SPTLC2: variants seen among roughly 807,000 people sequenced by gnomAD.
SPTLC2 encodes serine palmitoyltransferase long chain base subunit 2, also known as serine palmitoyltransferase 2.
A neutral mutation model predicts 62.0 loss-of-function variants in SPTLC2; 21 were observed. That is an observed-to-expected ratio of 0.34 (90% CI 0.24 to 0.49). SPTLC2 has a LOEUF of 0.49. Ranked by LOEUF, SPTLC2 falls within the 20% of genes least tolerant of loss-of-function variation. SPTLC2 has a pLI of 0.99. For missense variants in SPTLC2, 511 were observed against 713.0 expected (o/e 0.72, Z 3.23); for synonymous variants, 261 against 261.8 (o/e 1.00, Z 0.03).
At chr14:77,528,819 A>G (rs996891934) in intron 9 of SPTLC2, among the ~76,000 whole-genome samples, 1 of 151,918 alleles carries the variant, frequency 6.6e-6, no homozygotes, top group Non-Finnish European at 1.5e-5. Context: ...TCTGTTTCAA[A>G]GGTCTTATTT....
At chr14:77,543,127 G>A (rs941584427) in intron 9 of SPTLC2, among the ~76,000 whole-genome samples, 2 of 152,168 alleles carry the variant, frequency 1.3e-5, no homozygotes, top group Non-Finnish European at 2.9e-5. Flanking sequence ...TCAGCTCACT[G>A]CAACCTCCAC....
At chr14:77,601,175 T>C (rs1268939894) in intron 1 of SPTLC2, among the ~76,000 whole-genome samples, 1 of 152,204 alleles carries the variant, frequency 6.6e-6, no homozygotes, top group Non-Finnish European at 1.5e-5. Context: ...TAAGCCATCA[T>C]ATCCCCAGTG....
At chr14:77,610,503 C>T (rs1206553584) in intron 1 of SPTLC2, among the ~76,000 whole-genome samples, 1 of 152,058 alleles carries the variant, frequency 6.6e-6, no homozygotes, top group African/African-American at 2.4e-5. Flanking sequence ...CCAGGCTGAT[C>T]TTGAACTCCT....
chr14:77,570,717 G>T (rs559783802), intron 4 of SPTLC2, among the ~76,000 whole-genome samples: 13 of 152,260 alleles, frequency 8.5e-5, no homozygotes, highest in African/African-American at 2.9e-4. Context: ...AATAAAATCT[G>T]ATTCAGCACC....
Position 77,512,196 on chromosome 14 carries a change from A to G in SPTLC2, c.*88T>C, listed in dbSNP as rs1039309270. ...GCAATGTCTTTCACGTGAGATGGCC[A>G]CAGAAGTGTGGTTCCTGGAACTGGC... is the stretch of plus-strand genomic sequence containing the variant. On this transcript the variant is annotated 3_prime_UTR_variant, in exon 12 of 12. Coordinates refer to ENST00000216484, the MANE Select transcript of SPTLC2 (RefSeq NM_004863.4). The G allele has an allele frequency of 1.1e-5, 17 of 1,596,462 alleles. No homozygotes were observed. Among genetic ancestry groups the G allele is most frequent in the Non-Finnish European group, 1.5e-5 (17 of 1,166,340 alleles).
chr14:77,530,424 G>A (rs1404864005), intron 9 of SPTLC2, among the ~76,000 whole-genome samples: 2 of 152,020 alleles, frequency 1.3e-5, no homozygotes, highest in Non-Finnish European at 2.9e-5. Flanking sequence ...CACCTCCTAG[G>A]TTCAAGCGAT....
At chr14:77,601,469 T>C (rs955958192) in intron 1 of SPTLC2, among the ~76,000 whole-genome samples, 10 of 152,244 alleles carry the variant, frequency 6.6e-5, no homozygotes, top group Non-Finnish European at 1.5e-4. Context: ...CGCCCTTTGC[T>C]GACTCCTTTT....
chr14:77,519,790 ACC>A (rs2079377081), intron 10 of SPTLC2, among the ~76,000 whole-genome samples: 2 of 151,518 alleles, frequency 1.3e-5, no homozygotes, highest in Non-Finnish European at 2.9e-5. Context: ...TCCTCAACAT[ACC>A]TCCTTTGTGT....
At chr14:77,539,079 C>T (rs374014758) in intron 9 of SPTLC2, among the ~76,000 whole-genome samples, 1 of 151,904 alleles carries the variant, frequency 6.6e-6, no homozygotes, top group South Asian at 2.1e-4. Context: ...CATTAAAGCA[C>T]TTAATGAAAT....
At chr14:77,524,706 G>C (rs58883103) in intron 9 of SPTLC2, among the ~76,000 whole-genome samples, 17,005 of 152,234 alleles carry the variant, frequency 0.11, 1,418 homozygotes, top group African/African-American at 0.23. Context: ...ATTTGCACAA[G>C]ATGGATGGGA....
At chr14:77,529,053 G>A (rs1476517020) in intron 9 of SPTLC2, among the ~76,000 whole-genome samples, 2 of 152,050 alleles carry the variant, frequency 1.3e-5, no homozygotes, top group South Asian at 4.1e-4. Context: ...GGCCAGGCTG[G>A]TCTTGAACGT....
intron 9 of SPTLC2, among the ~76,000 whole-genome samples, chr14:77,541,015 T>TTTTATTTA (rs34700249): frequency 0.014 from 2,025 of 148,088 alleles, 23 homozygotes; most frequent in Non-Finnish European, 0.019. Context: ...TTGCAAAACA[T>TTTTATTTA]TTTATTTATT....
chr14:77,601,271 A>T (rs1036715409), intron 1 of SPTLC2, among the ~76,000 whole-genome samples: 1 of 152,156 alleles, frequency 6.6e-6, no homozygotes, highest in Non-Finnish European at 1.5e-5. Context: ...ACATTCCATC[A>T]TTGTGATTTG....
intron 9 of SPTLC2, among the ~76,000 whole-genome samples, chr14:77,543,265 C>G (rs761372069): frequency 6.6e-6 from 1 of 152,180 alleles, no homozygotes; most frequent in Non-Finnish European, 1.5e-5. Context: ...GTTGGCCAGG[C>G]TGGTCTCCAA....
chr14:77,518,978 C>T (rs893632942), intron 10 of SPTLC2, among the ~76,000 whole-genome samples: 1 of 152,216 alleles, frequency 6.6e-6, no homozygotes, highest in Non-Finnish European at 1.5e-5. Flanking sequence ...GGCCCTGTGG[C>T]CTTACTCCAC....
intron 1 of SPTLC2, among the ~76,000 whole-genome samples, chr14:77,601,570 G>C (rs2079877593): frequency 6.6e-6 from 1 of 152,160 alleles, no homozygotes; most frequent in Non-Finnish European, 1.5e-5. Flanking sequence ...ATGCACACGT[G>C]AAACATTTGG....
chr14:77,609,597 C>T lies in SPTLC2; in HGVS notation c.132+6851G>A, dbSNP rs1333943610. Reference sequence around the variant, plus strand: ...CTAAAAATATAAAAAATTAGCTGGGCGTGGTGGCATGTGCCTGTAGTCCCA... The same window carrying T: ...CTAAAAATATAAAAAATTAGCTGGGTGTGGTGGCATGTGCCTGTAGTCCCA... On this transcript the variant is annotated intron_variant, in intron 1 of 11. Transcript: ENST00000216484. 1.3e-5 allele frequency among the ~76,000 whole-genome samples: 2 copies of T among 151,996 alleles called. 1 individual carries two copies. Among genetic ancestry groups the T allele is most frequent in the Admixed American group, 1.3e-4 (2 of 15,256 alleles).
At chr14:77,515,270 C>G (rs1031434322) in intron 11 of SPTLC2, among the ~76,000 whole-genome samples, 1 of 152,204 alleles carries the variant, frequency 6.6e-6, no homozygotes, top group Non-Finnish European at 1.5e-5. Flanking sequence ...GTTCCATATA[C>G]ATTTGAGGAT....
intron 11 of SPTLC2, among the ~76,000 whole-genome samples, chr14:77,514,996 C>G (rs201986651): frequency 1.4e-4 from 22 of 152,232 alleles, no homozygotes; most frequent in Admixed American, 1.4e-3. Flanking sequence ...TCCAGCTGAC[C>G]TAGTACTGTT....
Sources: gnomAD v4.1 joint callset for allele counts (sites outside exome capture counted in the v4.1 genomes callset) on GRCh38, gnomAD v4.1.1 for gene constraint, MANE v1.5 for transcripts, NCBI Gene and HGNC (gene_info 2026-07-23, HGNC 2026-07-21) for gene names.